Variants in NPAS3 observed in about 807,000 individuals in gnomAD.
NPAS3 encodes neuronal PAS domain protein 3.
NPAS3 carries 14 observed loss-of-function variants against 73.1 expected under a neutral mutation model. That is an observed-to-expected ratio of 0.19 (90% CI 0.13 to 0.30). The LOEUF is 0.30. Among genes scored for constraint, NPAS3 ranks in the 10% least tolerant of loss-of-function variants. The pLI, the probability that NPAS3 is intolerant of heterozygous loss-of-function variation, is 1.00. For synonymous variants in NPAS3, 620 were observed against 541.5 expected, an observed-to-expected ratio of 1.14 and a Z score of -2.01; for missense variants, 1,096 against 1,250.0, an observed-to-expected ratio of 0.88 and a Z score of 1.86.
Position 33,716,745 on chromosome 14 carries a change from C to A in NPAS3, c.734-18469C>A, listed in dbSNP as rs1302581385. Among the ~76,000 whole-genome samples, 5 of 151,936 alleles carry A rather than the reference C, an allele frequency of 3.3e-5. No individual in the cohort carries two copies. The South Asian group carries it at 1.0e-3, about 32-fold the overall frequency. On this transcript the variant is annotated intron_variant, in intron 6 of 11. Coordinates refer to ENST00000356141, the Ensembl canonical transcript of NPAS3. ...CCTTTTTTGTGTTTTGGAGTATTTT[C>A]CTGGTCGTTGTGCCCCTTCTTTTAG...
rs1033287083 is a variant in NPAS3 at position 33,073,822 on chromosome 14, G to C, written c.140+17828G>C. ...TTTTTGTAACCTCTGTGTTTGCATG[G>C]AGTGGATGAGAGAGAGAGGCCAGCT... On this transcript the variant is annotated intron_variant, in intron 2 of 11. Transcript: ENST00000356141. Among the ~76,000 whole-genome samples the C allele has an allele frequency of 3.3e-5, 5 of 150,598 alleles. No individual in the cohort carries two copies. In the Admixed American group the frequency reaches 3.3e-4, roughly 10 times the overall value.
chr14:33,003,809 A>G (rs2038894500), intron 1 of NPAS3, among the ~76,000 whole-genome samples: 1 of 152,190 alleles, frequency 6.6e-6, no homozygotes, highest in Admixed American at 6.6e-5. Context: ...GATTTCCTGG[A>G]CTTACTTCGG....
chr14:33,372,465 T>A (rs1051101660), intron 4 of NPAS3, among the ~76,000 whole-genome samples: 1 of 152,202 alleles, frequency 6.6e-6, no homozygotes, highest in Non-Finnish European at 1.5e-5. Context: ...ATTTTATCAA[T>A]GTAAAATCAT....
chr14:32,939,998 G>C (rs897510918), intron 1 of NPAS3, among the ~76,000 whole-genome samples: 3 of 152,184 alleles, frequency 2.0e-5, no homozygotes, highest in South Asian at 2.1e-4. Flanking sequence ...CCCTCCGCTC[G>C]GCAACTTGTG....
At chr14:33,354,850 A>G (rs1037456302) in intron 3 of NPAS3, among the ~76,000 whole-genome samples, 1 of 152,138 alleles carries the variant, frequency 6.6e-6, no homozygotes, top group Non-Finnish European at 1.5e-5. Context: ...GGTCTTACTT[A>G]GTTACTAGGG....
intron 7 of NPAS3, among the ~76,000 whole-genome samples, chr14:33,751,716 A>G (rs1252819925): frequency 6.6e-6 from 1 of 152,176 alleles, no homozygotes; most frequent in Non-Finnish European, 1.5e-5. Flanking sequence ...GAAAAATTTT[A>G]TTTGTTCTTC....
intron 7 of NPAS3, among the ~76,000 whole-genome samples, chr14:33,739,638 G>T (rs1421450287): frequency 6.6e-6 from 1 of 152,118 alleles, no homozygotes; most frequent in Non-Finnish European, 1.5e-5. Context: ...GTTTTATTTG[G>T]AGTATCATAG....
intron 5 of NPAS3, 68 bp from the exon 6 acceptor site, chr14:33,676,141 CTG>C: frequency 6.8e-7 from 1 of 1,468,446 alleles, no homozygotes; most frequent in Non-Finnish European, 9.4e-7. Context: ...ATCTGAATCA[CTG>C]TGTTGAATTT....
At chr14:33,549,815 C>T (rs147970847) in intron 4 of NPAS3, among the ~76,000 whole-genome samples, 1 of 152,274 alleles carries the variant, frequency 6.6e-6, no homozygotes, top group African/African-American at 2.4e-5. Flanking sequence ...CCTGTTAAAA[C>T]TCATTGAGAT....
intron 2 of NPAS3, among the ~76,000 whole-genome samples, chr14:33,169,275 A>C (rs1460110567): frequency 2.0e-5 from 3 of 152,180 alleles, no homozygotes; most frequent in Admixed American, 2.0e-4. Flanking sequence ...TTCAATCCAA[A>C]TTTCAGAGTG....
upstream of NPAS3, among the ~76,000 whole-genome samples, chr14:32,935,717 T>C (rs1177912682): frequency 1.3e-5 from 2 of 152,234 alleles, no homozygotes; most frequent in Non-Finnish European, 2.9e-5. Context: ...AATTACGTAT[T>C]TGACATTGAA....
intron 3 of NPAS3, among the ~76,000 whole-genome samples, chr14:33,270,948 T>G (rs1333025673): frequency 6.6e-6 from 1 of 152,164 alleles, no homozygotes; most frequent in Non-Finnish European, 1.5e-5. Flanking sequence ...CCTCTGAATG[T>G]TCCTTGAAAA....
intron 7 of NPAS3, among the ~76,000 whole-genome samples, chr14:33,752,852 C>T (rs996779638): frequency 1.3e-5 from 2 of 152,034 alleles, no homozygotes; most frequent in African/African-American, 4.8e-5. Flanking sequence ...ATGTTTCGCG[C>T]TCAAGTTCAA....
chr14:33,379,114 A>T (rs991763788), intron 4 of NPAS3, among the ~76,000 whole-genome samples: 3 of 152,176 alleles, frequency 2.0e-5, no homozygotes, highest in African/African-American at 7.2e-5. Flanking sequence ...AGTATAAGGT[A>T]TATGTGAAAT....
chr14:33,079,720 T>C (rs1392680772), intron 2 of NPAS3, among the ~76,000 whole-genome samples: 1 of 148,456 alleles, frequency 6.7e-6, no homozygotes, highest in East Asian at 2.1e-4. Flanking sequence ...CAAGTGATTC[T>C]CCTGCCTCAG....
chr14:33,774,700 C>T (rs1172036638), intron 8 of NPAS3, among the ~76,000 whole-genome samples, 170 bp downstream of exon 8: 3 of 152,180 alleles, frequency 2.0e-5, no homozygotes, highest in African/African-American at 7.2e-5. Flanking sequence ...TTAAAATTTA[C>T]ATTGCTGCCC....
At chr14:33,072,234 G>C (rs574445760) in intron 2 of NPAS3, among the ~76,000 whole-genome samples, 3 of 152,228 alleles carry the variant, frequency 2.0e-5, no homozygotes, top group Admixed American at 6.5e-5. Context: ...TTTAAATAAC[G>C]GTGGCAAATA....
rs2054285768 is a variant in NPAS3, at chr14:33,536,967, A to G, written c.469-23154A>G. 2.0e-5 allele frequency among the ~76,000 whole-genome samples: 3 copies of G among 152,156 alleles called. No individual in the cohort carries two copies. The South Asian group carries it at 6.2e-4, about 32-fold the overall frequency. On this transcript the variant is annotated intron_variant, in intron 4 of 11. Coordinates refer to ENST00000356141, the Ensembl canonical transcript of NPAS3. ...ATCTCTTTGAAAAAGAAATTGGTGT[A>G]TGTTTTCCTGACAGTCTATTCAATT... is the stretch of plus-strand genomic sequence containing the variant.
chr14:33,400,969 G>A (rs1037512831), intron 4 of NPAS3, among the ~76,000 whole-genome samples: 5 of 151,772 alleles, frequency 3.3e-5, no homozygotes, highest in Non-Finnish European at 7.4e-5. Context: ...CACTTGAAAA[G>A]TGATTCCCAA....
Sources: gnomAD v4.1 joint callset for allele counts (sites outside exome capture counted in the v4.1 genomes callset) on GRCh38, gnomAD v4.1.1 for gene constraint, MANE v1.5 for transcripts, NCBI Gene and HGNC (gene_info 2026-07-23, HGNC 2026-07-21) for gene names.